COL6A2: variants seen among roughly 807,000 people sequenced by gnomAD.
COL6A2 encodes collagen alpha-2(VI) chain.
A neutral mutation model predicts 124.9 loss-of-function variants in COL6A2; 90 were observed. The ratio of observed to expected loss-of-function variants is 0.72; its 90% CI spans 0.61 to 0.86. COL6A2 has a LOEUF of 0.86. Among genes scored for constraint, COL6A2 ranks in the 40% least tolerant of loss-of-function variants. The probability of loss-of-function intolerance (pLI) is 0.00; values close to 1 mark genes in which losing one functional copy is unlikely to be tolerated. For synonymous variants in COL6A2, 793 were observed against 618.2 expected (o/e 1.28, Z -4.19); for missense variants, 1,607 against 1,502.5 (o/e 1.07, Z -1.15).
intron 1 of COL6A2, among the ~76,000 whole-genome samples, chr21:46,101,839 C>G: frequency 1.1e-5 from 1 of 87,940 alleles, no homozygotes; most frequent in African/African-American, 4.7e-5. Flanking sequence ...TTGTTCTTAT[C>G]TTTCACGATT....
rs942519711 is a variant in COL6A2 at position 46,124,804 on chromosome 21, G to A, written c.1735-81G>A. 3.5e-5 allele frequency: 56 copies of A among 1,592,230 alleles called. 1 individual carries two copies. The highest frequency in any genetic ancestry group is 8.8e-5 in the South Asian group (8 of 90,714). Reference sequence around the variant, plus strand: ...GTGGTTCTGCCCACGGTGGACCCACGTATCAGTGGGCAGTGGCCTGGGAGA... The same window carrying A: ...GTGGTTCTGCCCACGGTGGACCCACATATCAGTGGGCAGTGGCCTGGGAGA... On this transcript the variant is annotated intron_variant, in intron 22 of 27. Coordinates refer to ENST00000300527, the MANE Select transcript of COL6A2 (RefSeq NM_001849.4).
intron 1 of COL6A2, among the ~76,000 whole-genome samples, chr21:46,099,426 C>G (rs2078262360): frequency 7.2e-6 from 1 of 138,786 alleles, no homozygotes; most frequent in Non-Finnish European, 1.5e-5. Context: ...CCACTGCACT[C>G]CAGCCTGGGT....
chr21:46,120,673 AG>A (rs2078551054), intron 16 of COL6A2, 96 bp downstream of exon 16: 1 of 1,208,906 alleles, frequency 8.3e-7, no homozygotes, highest in African/African-American at 1.6e-5. Flanking sequence ...CTGCACCCCA[AG>A]GTAGGGGACC....
chr21:46,110,934 A>G (rs1038616536), intron 1 of COL6A2, among the ~76,000 whole-genome samples: 1 of 152,168 alleles, frequency 6.6e-6, no homozygotes, highest in East Asian at 1.9e-4. Flanking sequence ...CTGTGTCCCT[A>G]CACTTGACAG....
At chr21:46,110,343 T>A (rs2078381741) in intron 1 of COL6A2, among the ~76,000 whole-genome samples, 1 of 152,228 alleles carries the variant, frequency 6.6e-6, no homozygotes, top group South Asian at 2.1e-4. Context: ...TAGGGACTTT[T>A]TTTTTTATCA....
chr21:46,130,066 C>T (rs114944751), intron 27 of COL6A2, among the ~76,000 whole-genome samples: 2,996 of 152,278 alleles, frequency 0.02, 97 homozygotes, highest in South Asian at 0.085. Context: ...TGGGCGCTCA[C>T]GGCCCACCTG....
chr21:46,112,299 C>T lies in COL6A2; in HGVS notation c.436C>T (p.Arg146Trp), dbSNP rs762263982. The T allele has an allele frequency of 2.3e-5, 37 of 1,612,288 alleles. No homozygotes were observed. Among genetic ancestry groups the T allele is most frequent in the Admixed American group, 8.3e-5 (5 of 59,990 alleles). ...CALANMTEQI[R>W]QDRSKGTVHF... is the part of the protein sequence containing the mutation. ...GCTGGCCAACATGACGGAGCAGATC[C>T]GGCAGGACCGCAGCAAGGGCACCGT... Residue 146 changes from arginine (R) to tryptophan (W), a missense_variant, in exon 3 of 28, where the codon CGG becomes TGG. Around this residue, in one of 3 missense-constraint regions of COL6A2, gnomAD observed 342 missense variants for 381.5 expected, o/e 0.90. Transcript: ENST00000300527.
In COL6A2 at chr21:46,116,234, C is replaced by A; in HGVS notation, c.901-143C>A. The A allele has an allele frequency of 8.5e-7, 1 of 1,171,840 alleles. No individual in the cohort carries two copies. Among genetic ancestry groups the A allele is most frequent in the South Asian group, 1.3e-5 (1 of 77,080 alleles). The allele number at this position is 1,171,840 out of a possible 1,614,324, so 72.6% of individuals were successfully genotyped here. On this transcript the variant is annotated intron_variant, in intron 7 of 27. Transcript: ENST00000300527. This position sits in a 1 kb window ranked among gnomAD's most constrained non-coding sequence, Gnocchi z 4.6. ...CCAGCCTCCAGCCCGACCCAGGGCTCAGCCTCCTCCGCAGACTGTTTGTCG... is the reference window on the plus strand; with the variant it reads ...CCAGCCTCCAGCCCGACCCAGGGCTAAGCCTCCTCCGCAGACTGTTTGTCG...
At chr21:46,122,255 G>A in intron 19 of COL6A2, 97 bp downstream of exon 19, 1 of 1,420,602 alleles carries the variant, frequency 7.0e-7, no homozygotes, top group Non-Finnish European at 9.8e-7. Context: ...CCTCCTCTGT[G>A]CAGAAGAAAG....
rs17272671 is a variant in COL6A2, at chr21:46,122,720, T to C, written c.1609-155T>C. Among the ~76,000 whole-genome samples, 17,906 of 105,512 alleles carry C rather than the reference T, an allele frequency of 0.17. 1,364 individuals carry two copies. The highest frequency in any genetic ancestry group is 0.23 in the Non-Finnish European group (12,418 of 53,984). The allele number at this position is 105,512 out of a possible 152,430, so 69.2% of individuals were successfully genotyped here. A position where few individuals can be genotyped will look rare whatever the true frequency, so the allele number is the denominator to read the frequency against. ...CTGTCAGCCACTGGCTGGTCCCTTTTCAACCAAAGTTCAGGCTTTGCAAAA... is the reference window on the plus strand; with the variant it reads ...CTGTCAGCCACTGGCTGGTCCCTTTCCAACCAAAGTTCAGGCTTTGCAAAA... On this transcript the variant is annotated intron_variant, in intron 20 of 27. Transcript: ENST00000300527.
At chr21:46,114,687 G>T (rs2078448155) in intron 5 of COL6A2, among the ~76,000 whole-genome samples, 1 of 152,148 alleles carries the variant, frequency 6.6e-6, no homozygotes, top group East Asian at 1.9e-4. Context: ...CTCTTTTGTG[G>T]CTTACTAAAT....
intron 14 of COL6A2, 117 bp downstream of exon 14, chr21:46,119,236 A>C: frequency 1.2e-6 from 1 of 807,318 alleles, no homozygotes; most frequent in Non-Finnish European, 2.1e-6. Flanking sequence ...CTGGCAAGGC[A>C]CAGCCAGGCC....
chr21:46,132,063 G>T lies in COL6A2; in HGVS notation c.2571G>T (p.Glu857Asp). The T allele has an allele frequency of 6.2e-7, 1 of 1,605,888 alleles. No individual in the cohort carries two copies. The highest frequency in any genetic ancestry group is 8.5e-7 in the Non-Finnish European group (1 of 1,178,378). Residue 857 changes from glutamate (E) to aspartate (D), a missense_variant, in exon 28 of 28, where the codon GAG (glutamate) becomes GAT (aspartate). Transcript: ENST00000300527. ...TCCACAAGGCCCGGCGCTTCGTGGA[G>T]CAGGTGGCGCGGCGGCTGACGCTGG... ...QNFHKARRFV[E>D]QVARRLTLAR...
chr21:46,108,052 A>C, intron 1 of COL6A2, among the ~76,000 whole-genome samples: 1 of 144,702 alleles, frequency 6.9e-6, no homozygotes, highest in Non-Finnish European at 1.5e-5. Context: ...TCTCTCCCTA[A>C]TCTCCCCTCC....
chr21:46,127,512 C>T (rs117836930), intron 27 of COL6A2, among the ~76,000 whole-genome samples: 1,759 of 152,224 alleles, frequency 0.012, 15 homozygotes, highest in Middle Eastern at 0.024. Flanking sequence ...GGCGGGCAGC[C>T]TCTGGCCCCA....
chr21:46,122,775 C>A, intron 20 of COL6A2, 100 bp from the exon 21 acceptor site: 1 of 1,266,072 alleles, frequency 7.9e-7, no homozygotes, highest in African/African-American at 1.5e-5. Flanking sequence ...GTTTAAAGGA[C>A]CCCAAAATGC....
At position 46,126,461 on chromosome 21, in the gene COL6A2, G is replaced by A. The variant is rs115841845; in HGVS notation, c.2423-42G>A. ...TGAACGGCCGCTGAGGGTTCGCTAG[G>A]GACTGACCCTGGCCTGGCCCGGCCT... On this transcript the variant is annotated intron_variant, in intron 26 of 27. Coordinates refer to ENST00000300527, the MANE Select transcript of COL6A2 (RefSeq NM_001849.4). 8.0e-4 allele frequency: 1,287 copies of A among 1,603,116 alleles called. 8 individuals carry two copies. In the African/African-American group the frequency reaches 0.016, roughly 19 times the overall value.
chr21:46,117,984 A>C, intron 12 of COL6A2, 48 bp downstream of exon 12: 1 of 1,572,270 alleles, frequency 6.4e-7, no homozygotes, highest in Non-Finnish European at 8.7e-7. Flanking sequence ...ACCAGCTTCC[A>C]GGGGCCTCCT....
At chr21:46,127,289 C>T (rs1313590326) in intron 27 of COL6A2, among the ~76,000 whole-genome samples, 7 of 152,072 alleles carry the variant, frequency 4.6e-5, no homozygotes, top group East Asian at 1.9e-4. Context: ...TCAGGGTCTG[C>T]GGTACGAAGT....
Sources: allele counts gnomAD v4.1 joint callset (sites outside exome capture counted in the v4.1 genomes callset), GRCh38; gene constraint gnomAD v4.1.1; regional missense constraint gnomAD v4.1.1; non-coding constraint Gnocchi (gnomAD v3.1); transcripts MANE v1.5; gene names NCBI Gene and HGNC (gene_info 2026-07-23, HGNC 2026-07-21).